APOBEC3D: variants seen among roughly 807,000 people sequenced by gnomAD.
APOBEC3D encodes the protein DNA dC->dU-editing enzyme APOBEC-3D.
APOBEC3D carries 37 observed loss-of-function variants against 45.6 expected under a neutral mutation model. The observed-to-expected ratio is 0.81, with a 90% CI of 0.62 to 1.07. APOBEC3D has a LOEUF of 1.07. APOBEC3D is among the 50% of genes least tolerant of loss of function. The pLI is 0.00. For missense variants in APOBEC3D, 496 were observed against 495.3 expected (o/e 1.00, Z -0.01); for synonymous variants, 175 against 180.7 (o/e 0.97, Z 0.25).
chr22:39,023,346 T>G (rs1925313454), intron 2 of APOBEC3D, among the ~76,000 whole-genome samples: 2 of 152,020 alleles, frequency 1.3e-5, no homozygotes, highest in South Asian at 2.1e-4. Flanking sequence ...GAACTCCTGA[T>G]CTCAGGTGAT....
intron 2 of APOBEC3D, 59 bp downstream of exon 2, chr22:39,023,073 C>A: frequency 7.6e-7 from 1 of 1,322,036 alleles, no homozygotes; most frequent in Non-Finnish European, 9.8e-7. Context: ...GGGCTCTCAA[C>A]TGTGTATTTT....
At position 39,022,940 on chromosome 22, in the gene APOBEC3D, T is replaced by A. The variant is rs1017851518; in HGVS notation, c.136T>A (p.Ser46Thr). 10 of 1,613,698 alleles carry A rather than the reference T, an allele frequency of 6.2e-6. No individual in the cohort carries two copies. Among genetic ancestry groups the A allele is most frequent in the Admixed American group, 1.7e-5 (1 of 59,964 alleles). The change falls in exon 2 of 7, where the codon TCA (serine) becomes ACA (threonine). Residue 46 changes from serine (S) to threonine (T), a missense_variant. Ser to Thr is a moderately conservative substitution (Grantham distance 58). Transcript: ENST00000216099. ...TGAAGTGAAAATAAAGAGGGGCCGC[T>A]CAAATCTCCTTTGGGACACAGGGGT... ...CYEVKIKRGR[S>T]NLLWDTGVFR...
At chr22:39,022,292 C>G (rs903527013) in intron 1 of APOBEC3D, among the ~76,000 whole-genome samples, 2 of 152,218 alleles carry the variant, frequency 1.3e-5, no homozygotes, top group Non-Finnish European at 2.9e-5. Context: ...GTTACCCCAC[C>G]TCTCTGTGCC....
intron 2 of APOBEC3D, among the ~76,000 whole-genome samples, chr22:39,023,519 C>T (rs1211059404): frequency 1.4e-5 from 2 of 147,448 alleles, no homozygotes; most frequent in Admixed American, 1.4e-4. Context: ...TCAATCTTGG[C>T]TCATTCAACT....
At position 39,032,501 on chromosome 22, in the gene APOBEC3D, A is replaced by G; in HGVS notation, c.*185A>G. 7.2e-7 allele frequency: 1 copy of G among 1,379,798 alleles called. No homozygotes were observed. The highest frequency in any genetic ancestry group is 2.7e-5 in the East Asian group (1 of 37,220). 85.5% of individuals were successfully genotyped at this position (1,379,798 alleles called of 1,614,324 possible). ...CCCCGCTCTCCCAGGCTCTTCTTGTAGAGGCTCTCCATCCACCTCCCCAGT... is the reference window on the plus strand; with the variant it reads ...CCCCGCTCTCCCAGGCTCTTCTTGTGGAGGCTCTCCATCCACCTCCCCAGT... On this transcript the variant is annotated 3_prime_UTR_variant, in exon 7 of 7. Coordinates refer to ENST00000216099, the MANE Select transcript of APOBEC3D (RefSeq NM_152426.4).
At chr22:39,026,280 G>A (rs527265568) in intron 4 of APOBEC3D, among the ~76,000 whole-genome samples, 7 of 152,224 alleles carry the variant, frequency 4.6e-5, no homozygotes, top group African/African-American at 1.4e-4. Flanking sequence ...TGTCCTCTCT[G>A]GCCTTTCCTC....
At chr22:39,030,837 A>G (rs1926137357) in intron 5 of APOBEC3D, among the ~76,000 whole-genome samples, 2 of 152,174 alleles carry the variant, frequency 1.3e-5, no homozygotes, top group Admixed American at 6.5e-5. Context: ...ATGAGACAGG[A>G]AAAGACTCAA....
chr22:39,022,178 C>T (rs1925181259), intron 1 of APOBEC3D, among the ~76,000 whole-genome samples: 1 of 152,224 alleles, frequency 6.6e-6, no homozygotes, highest in East Asian at 1.9e-4. Flanking sequence ...AGAGCCCAGT[C>T]CCCAACAGCT....
chr22:39,029,122 T>C (rs112251900), intron 4 of APOBEC3D, among the ~76,000 whole-genome samples: 11 of 152,184 alleles, frequency 7.2e-5, no homozygotes, highest in African/African-American at 2.6e-4. Context: ...GTTGAGGGTG[T>C]CCCATTGGTA....
intron 4 of APOBEC3D, among the ~76,000 whole-genome samples, chr22:39,028,805 T>C (rs1260233687): frequency 6.6e-6 from 1 of 152,070 alleles, no homozygotes; most frequent in Non-Finnish European, 1.5e-5. Flanking sequence ...CGTGGTGGCA[T>C]GCACCTGTAG....
chr22:39,032,751 C>A lies in APOBEC3D; in HGVS notation c.*435C>A. On this transcript the variant is annotated 3_prime_UTR_variant, in exon 7 of 7. Transcript: ENST00000216099. ...GGGATTACAGATGCCTGCCACCACGCCCAGCTAATTTTTTTTTTTTTTTTT... is the reference window on the plus strand; with the variant it reads ...GGGATTACAGATGCCTGCCACCACGACCAGCTAATTTTTTTTTTTTTTTTT... The A allele has an allele frequency of 7.7e-6, 2 of 260,572 alleles. No homozygotes were observed. Among genetic ancestry groups the A allele is most frequent in the Non-Finnish European group, 1.2e-5 (2 of 170,896 alleles). 16.1% of individuals were successfully genotyped at this position (260,572 alleles called of 1,614,324 possible).
intron 2 of APOBEC3D, 73 bp downstream of exon 2, chr22:39,023,087 C>A: frequency 9.9e-7 from 1 of 1,006,142 alleles, no homozygotes; most frequent in Non-Finnish European, 1.3e-6. Flanking sequence ...GTATTTTTTC[C>A]CCACATTTAT....
chr22:39,031,700 C>A lies in APOBEC3D; in HGVS notation c.769C>A (p.Pro257Thr). 1 of 1,611,778 alleles carries A rather than the reference C, an allele frequency of 6.2e-7. No individual in the cohort carries two copies. Among genetic ancestry groups the A allele is most frequent in the Non-Finnish European group, 8.5e-7 (1 of 1,178,046 alleles). The change falls in exon 6 of 7, where the codon CCT becomes ACT. Residue 257 changes from proline to threonine, a missense_variant. Pro to Thr is a conservative substitution (Grantham distance 38). Coordinates refer to ENST00000216099, the MANE Select transcript of APOBEC3D (RefSeq NM_152426.4). ...CCTCCTCCTCCTTCCCCAGGTGGAT[C>A]CTGAGACCCATTGTCATGCAGAAAG... ...KRGVFRNQVD[P>T]ETHCHAERCF... is the part of the protein sequence containing the mutation.
intron 1 of APOBEC3D, 26 bp downstream of exon 1, chr22:39,021,562 G>A (rs1269147386): frequency 6.2e-7 from 1 of 1,611,398 alleles, no homozygotes; most frequent in African/African-American, 1.4e-5. Context: ...ATGTCCGCAG[G>A]GCCCCTCCGG....
intron 4 of APOBEC3D, among the ~76,000 whole-genome samples, chr22:39,028,017 C>T (rs1319127517): frequency 3.3e-5 from 5 of 152,212 alleles, no homozygotes. Context: ...ATTTTATTCT[C>T]AGCACTTTGG....
At position 39,023,107 on chromosome 22, in the gene APOBEC3D, C is replaced by CTATT. The variant is rs71197146; in HGVS notation, c.210+115_210+118dup. 304 of 750,516 alleles carry CTATT rather than the reference C, an allele frequency of 4.1e-4. 5 individuals are homozygous for CTATT. The highest frequency in any genetic ancestry group is 2.7e-3 in the African/African-American group (139 of 51,884). The allele number at this position is 750,516 out of a possible 1,614,324, so 46.5% of individuals were successfully genotyped here. ...TTTTCCCCACATTTATTTATTTTTT[C>CTATT]TATTTATTTATTTATTTATTTATTT... On this transcript the variant is annotated intron_variant, in intron 2 of 6. Coordinates refer to ENST00000216099, the MANE Select transcript of APOBEC3D (RefSeq NM_152426.4).
At chr22:39,027,864 C>G (rs955087292) in intron 4 of APOBEC3D, among the ~76,000 whole-genome samples, 9 of 152,324 alleles carry the variant, frequency 5.9e-5, no homozygotes, top group Non-Finnish European at 1.3e-4. Flanking sequence ...CCAGCCCATG[C>G]CCCCTGCTGA....
rs1473176230 is a variant in APOBEC3D, at chr22:39,021,620, T to TGCCCCA, written c.17+95_17+100dup. 8 of 1,566,784 alleles carry TGCCCCA rather than the reference T, an allele frequency of 5.1e-6. No individual in the cohort carries two copies. In the African/African-American group the frequency reaches 6.8e-5, roughly 13 times the overall value. ...CTGGGCCTCAGCCCTGGCCTCCCCC[T>TGCCCCA]GCCCCAGCCCCAGCCCTGGACTTCC... On this transcript the variant is annotated intron_variant, in intron 1 of 6. Transcript: ENST00000216099.
At chr22:39,024,704 G>A (rs193092534) in intron 2 of APOBEC3D, among the ~76,000 whole-genome samples, 18 of 152,210 alleles carry the variant, frequency 1.2e-4, no homozygotes, top group African/African-American at 3.6e-4. Context: ...CTGGTGCTCC[G>A]TGACATGGGG....
Sources: allele counts gnomAD v4.1 joint callset (sites outside exome capture counted in the v4.1 genomes callset), GRCh38; gene constraint gnomAD v4.1.1; transcripts MANE v1.5; gene names NCBI Gene and HGNC (gene_info 2026-07-23, HGNC 2026-07-21).